CLSTN2: variants seen among roughly 807,000 people sequenced by gnomAD.
The protein encoded by CLSTN2 is calsyntenin-2.
Under a neutral mutation model 101.2 loss-of-function variants are expected in CLSTN2, and 48 were observed. That is an observed-to-expected ratio of 0.47 (90% CI 0.38 to 0.60). The LOEUF (loss-of-function observed/expected upper bound fraction) is 0.60. Ranked by LOEUF, CLSTN2 falls within the 20% of genes least tolerant of loss-of-function variation. CLSTN2 has a pLI of 0.00. For missense variants in CLSTN2, 1,160 were observed against 1,238.2 expected (o/e 0.94, Z 0.95); for synonymous variants, 481 against 463.6 (o/e 1.04, Z -0.48).
intron 1 of CLSTN2, among the ~76,000 whole-genome samples, chr3:140,128,989 G>A (rs1351004634): frequency 1.3e-5 from 2 of 152,124 alleles, no homozygotes; most frequent in Non-Finnish European, 2.9e-5. Flanking sequence ...AGTCAATAGT[G>A]TTTCGACAGT....
intron 8 of CLSTN2, among the ~76,000 whole-genome samples, chr3:140,494,836 A>T (rs1934429483): frequency 6.6e-6 from 1 of 152,170 alleles, no homozygotes; most frequent in Non-Finnish European, 1.5e-5. Context: ...GTGTATATGT[A>T]CCACATTTTG....
intron 1 of CLSTN2, among the ~76,000 whole-genome samples, chr3:140,055,786 C>A (rs1055306414): frequency 2.0e-5 from 3 of 151,998 alleles, no homozygotes; most frequent in African/African-American, 7.3e-5. Context: ...TTTTCAGAGC[C>A]TAGTTAATCA....
chr3:140,206,270 G>A (rs1299216638), intron 2 of CLSTN2, among the ~76,000 whole-genome samples: 1 of 152,202 alleles, frequency 6.6e-6, no homozygotes, highest in Non-Finnish European at 1.5e-5. Context: ...CCAGAGTGCA[G>A]ACCTGGTCTC....
intron 2 of CLSTN2, among the ~76,000 whole-genome samples, chr3:140,286,318 A>T (rs1431651791): frequency 1.3e-5 from 2 of 151,524 alleles, no homozygotes; most frequent in East Asian, 3.9e-4. Flanking sequence ...ATCTGGGGAA[A>T]CTCTTTGGAC....
At chr3:139,941,862 C>G (rs1935137119) in intron 1 of CLSTN2, among the ~76,000 whole-genome samples, 1 of 152,202 alleles carries the variant, frequency 6.6e-6, no homozygotes, top group African/African-American at 2.4e-5. Context: ...GTGCCAAGCA[C>G]TATCTTGAAG....
At chr3:139,974,757 A>T (rs1166886261) in intron 1 of CLSTN2, among the ~76,000 whole-genome samples, 1 of 152,250 alleles carries the variant, frequency 6.6e-6, no homozygotes, top group Admixed American at 6.5e-5. Flanking sequence ...AATTGTATAT[A>T]AAATCCATTG....
chr3:140,484,359 G>A (rs938682366), intron 8 of CLSTN2, among the ~76,000 whole-genome samples: 1 of 152,156 alleles, frequency 6.6e-6, no homozygotes, highest in Non-Finnish European at 1.5e-5. Flanking sequence ...GCTTCCCTTT[G>A]TGGGTAACCC....
chr3:140,110,399 G>A (rs951111136), intron 1 of CLSTN2, among the ~76,000 whole-genome samples: 13 of 152,192 alleles, frequency 8.5e-5, no homozygotes, highest in Non-Finnish European at 2.9e-5. Flanking sequence ...TAAGCAAAGA[G>A]GGAAATGTAA....
intron 2 of CLSTN2, among the ~76,000 whole-genome samples, chr3:140,236,811 T>A (rs2086421154): frequency 1.4e-5 from 2 of 146,546 alleles, no homozygotes; most frequent in African/African-American, 5.0e-5. Flanking sequence ...TCCTATTACA[T>A]GTTATGTTAT....
chr3:139,981,130 G>A (rs2162210), intron 1 of CLSTN2, among the ~76,000 whole-genome samples: 49,848 of 151,858 alleles, frequency 0.33, 10,141 homozygotes, highest in Non-Finnish European at 0.46. Flanking sequence ...TGTCTCAGTG[G>A]CCTCATCTCT....
intron 2 of CLSTN2, among the ~76,000 whole-genome samples, chr3:140,216,806 A>G (rs1288421073): frequency 6.6e-6 from 1 of 152,228 alleles, no homozygotes. Context: ...AAATAGGAAG[A>G]ATATACTCAG....
intron 1 of CLSTN2, among the ~76,000 whole-genome samples, chr3:139,956,917 C>T (rs146136339): frequency 1.1e-3 from 160 of 152,294 alleles, no homozygotes; most frequent in African/African-American, 3.3e-3. Flanking sequence ...CTGCTTCATC[C>T]GTAATGCATC....
chr3:140,478,774 G>A (rs1270389950), intron 8 of CLSTN2, among the ~76,000 whole-genome samples: 1 of 121,750 alleles, frequency 8.2e-6, no homozygotes, highest in Non-Finnish European at 1.7e-5. Context: ...ACTGAAAAAA[G>A]AGGGAGGAAG....
chr3:140,178,483 A>G (rs1170767190), intron 2 of CLSTN2, among the ~76,000 whole-genome samples: 3 of 152,194 alleles, frequency 2.0e-5, no homozygotes, highest in African/African-American at 7.2e-5. Flanking sequence ...CCAAGTCTTG[A>G]GTAGTTATTT....
chr3:140,175,920 T>C (rs2010316061), intron 1 of CLSTN2, 31 bp from the exon 2 acceptor site: 1 of 1,596,540 alleles, frequency 6.3e-7, no homozygotes, highest in Middle Eastern at 1.7e-4. Flanking sequence ...TAAATAATGA[T>C]CCTTTTTGTT....
intron 8 of CLSTN2, among the ~76,000 whole-genome samples, chr3:140,513,578 T>A (rs1326943334): frequency 2.5e-5 from 2 of 79,820 alleles, no homozygotes; most frequent in Non-Finnish European, 5.5e-5. Context: ...TCTTTTTTTT[T>A]CTTTCTTTTT....
At chr3:140,154,879 C>G (rs373344608) in intron 1 of CLSTN2, among the ~76,000 whole-genome samples, 1 of 151,944 alleles carries the variant, frequency 6.6e-6, no homozygotes, top group African/African-American at 2.4e-5. Context: ...CTCCTGACCT[C>G]GTGATCCGCC....
chr3:140,354,842 C>T (rs561931835), intron 2 of CLSTN2, among the ~76,000 whole-genome samples: 46 of 152,322 alleles, frequency 3.0e-4, no homozygotes, highest in African/African-American at 1.0e-3. Context: ...TCGAAGTTGC[C>T]GGGTCAACAT....
At chr3:140,436,453 A>G (rs764368220) in intron 5 of CLSTN2, among the ~76,000 whole-genome samples, 6 of 152,238 alleles carry the variant, frequency 3.9e-5, no homozygotes, top group Non-Finnish European at 5.9e-5. Flanking sequence ...CAGACCATGA[A>G]GTAAGTAGAT....
Sources: allele counts gnomAD v4.1 joint callset (sites outside exome capture counted in the v4.1 genomes callset), GRCh38; gene constraint gnomAD v4.1.1; transcripts MANE v1.5; gene names NCBI Gene and HGNC (gene_info 2026-07-23, HGNC 2026-07-21).